The following CNTN6 variants were observed in gnomAD, a reference collection of about 807,000 sequenced individuals.
CNTN6 encodes the protein contactin-6.
Under a neutral mutation model 122.8 loss-of-function variants are expected in CNTN6, and 137 were observed. That is an observed-to-expected ratio of 1.12 (90% confidence interval 0.97 to 1.29). The LOEUF (loss-of-function observed/expected upper bound fraction) is 1.29, where lower values mean the gene tolerates loss of function less well. Ranked by LOEUF, CNTN6 falls within the 50% of genes most tolerant of loss-of-function variation. The pLI is 0.00. For missense variants in CNTN6, 1,634 were observed against 1,223.4 expected, an observed-to-expected ratio of 1.34 and a Z score of -5.01; for synonymous variants, 570 against 426.0, an observed-to-expected ratio of 1.34 and a Z score of -4.16.
chr3:1,309,531 C>G (rs769100241), intron 7 of CNTN6, among the ~76,000 whole-genome samples: 1 of 152,144 alleles, frequency 6.6e-6, no homozygotes, highest in East Asian at 1.9e-4. Context: ...TGTAGCTTTA[C>G]GGTAAATCCT....
At chr3:1,105,265 T>C (rs767941546) in intron 1 of CNTN6, among the ~76,000 whole-genome samples, 6 of 152,124 alleles carry the variant, frequency 3.9e-5, no homozygotes, top group Non-Finnish European at 5.9e-5. Flanking sequence ...ATTACATTTT[T>C]TGGAAAATGC....
chr3:1,370,059 CTT>C (rs1195007631), intron 12 of CNTN6, among the ~76,000 whole-genome samples: 1 of 151,868 alleles, frequency 6.6e-6, no homozygotes, highest in Non-Finnish European at 1.5e-5. Context: ...ATGTAACAAA[CTT>C]AATAATTTAA....
chr3:1,236,048 C>A (rs2094417353), intron 4 of CNTN6, among the ~76,000 whole-genome samples: 1 of 152,120 alleles, frequency 6.6e-6, no homozygotes, highest in African/African-American at 2.4e-5. Flanking sequence ...TCCCTCACAG[C>A]AGCTGCAGCA....
At chr3:1,228,859 T>G (rs1363067870) in intron 4 of CNTN6, among the ~76,000 whole-genome samples, 2 of 152,196 alleles carry the variant, frequency 1.3e-5, no homozygotes, top group African/African-American at 4.8e-5. Flanking sequence ...GTGAAACTAC[T>G]TCAGTCATCA....
At chr3:1,302,399 C>G (rs1032110273) in intron 7 of CNTN6, among the ~76,000 whole-genome samples, 3 of 151,974 alleles carry the variant, frequency 2.0e-5, no homozygotes, top group Admixed American at 6.6e-5. Flanking sequence ...ATATTTTTTT[C>G]TTATTACATT....
intron 20 of CNTN6, 88 bp from the exon 21 acceptor site, chr3:1,401,345 G>C (rs751392743): frequency 2.0e-6 from 2 of 1,014,884 alleles, no homozygotes; most frequent in Non-Finnish European, 3.0e-6. Flanking sequence ...AATCATCGAA[G>C]ACTTATTTTT....
chr3:1,131,477 A>G (rs990056436), intron 1 of CNTN6, among the ~76,000 whole-genome samples: 1 of 152,134 alleles, frequency 6.6e-6, no homozygotes, highest in Non-Finnish European at 1.5e-5. Flanking sequence ...GATTAGCCCC[A>G]GAAGACAGGG....
At chr3:1,097,287 A>G (rs1270118558) in intron 1 of CNTN6, among the ~76,000 whole-genome samples, 1 of 152,230 alleles carries the variant, frequency 6.6e-6, no homozygotes, top group Non-Finnish European at 1.5e-5. Flanking sequence ...ACGTTACATC[A>G]TAGTAACATG....
At chr3:1,380,999 T>G (rs56908293) in intron 17 of CNTN6, among the ~76,000 whole-genome samples, 13,693 of 152,110 alleles carry the variant, frequency 0.09, 827 homozygotes, top group Middle Eastern at 0.14. Context: ...TTTGACTCTC[T>G]GTTGATGTAA....
chr3:1,385,326 G>C (rs552865807), intron 19 of CNTN6, among the ~76,000 whole-genome samples: 15 of 152,214 alleles, frequency 9.9e-5, no homozygotes, highest in African/African-American at 3.4e-4. Flanking sequence ...ATTTGCTAAA[G>C]CTGGTAACCT....
chr3:1,096,367 T>C (rs955700723), intron 1 of CNTN6, among the ~76,000 whole-genome samples: 3 of 152,130 alleles, frequency 2.0e-5, no homozygotes, highest in Admixed American at 2.0e-4. Context: ...TAAGATTCTT[T>C]TATTTTAGGA....
chr3:1,393,807 GA>G (rs1381424837), intron 20 of CNTN6, among the ~76,000 whole-genome samples: 5 of 152,116 alleles, frequency 3.3e-5, no homozygotes, highest in Non-Finnish European at 7.3e-5. Context: ...CTCAGGAAGA[GA>G]GAGATATATC....
rs374282825 is a variant in CNTN6 at position 1,227,818 on chromosome 3, G to A, written c.183G>A (p.Arg61=). 1 of 1,610,466 alleles carries A rather than the reference G, an allele frequency of 6.2e-7. No individual in the cohort carries two copies. Among genetic ancestry groups the A allele is most frequent in the Non-Finnish European group, 8.5e-7 (1 of 1,178,880 alleles). The stretch of plus-strand genomic sequence containing the variant: ...CACTTTATTTTTTTTTTCCTTGAAG[G>A]TGGAAGCAAAATGGCACAGACATTG... The part of the protein sequence containing the change: ...AANGYPSPHY[R]WKQNGTDIDF... Residue 61 remains arginine, a splice_region_variant and synonymous_variant, in exon 4 of 23, where the codon AGG becomes AGA. Transcript: ENST00000446702.
chr3:1,098,789 C>CACATATATATATATATATATATATATAT (rs1211008614), intron 1 of CNTN6, among the ~76,000 whole-genome samples: 4 of 63,246 alleles, frequency 6.3e-5, no homozygotes, highest in Non-Finnish European at 1.1e-4. Flanking sequence ...CACACACACA[C>CACATATATATATATATATATATATATAT]ATATATATAT....
intron 11 of CNTN6, among the ~76,000 whole-genome samples, chr3:1,349,064 G>A (rs1220135992): frequency 1.3e-5 from 2 of 151,928 alleles, no homozygotes; most frequent in Non-Finnish European, 2.9e-5. Context: ...AGTATTTGCT[G>A]ATTAAGAAGG....
chr3:1,298,336 C>G (rs1360353705), intron 7 of CNTN6: 1 of 169,224 alleles, frequency 5.9e-6, no homozygotes, highest in African/African-American at 2.4e-5. Context: ...ATCCTTCACT[C>G]CATCTTGTCC....
At chr3:1,325,139 A>C (rs531091744) in intron 8 of CNTN6, among the ~76,000 whole-genome samples, 1 of 151,940 alleles carries the variant, frequency 6.6e-6, no homozygotes, top group Non-Finnish European at 1.5e-5. Flanking sequence ...TCTTACTTTC[A>C]CGTCAATTAT....
chr3:1,177,159 T>C (rs1247883995), intron 2 of CNTN6, among the ~76,000 whole-genome samples: 2 of 152,104 alleles, frequency 1.3e-5, no homozygotes, highest in African/African-American at 2.4e-5. Flanking sequence ...AAGTAAAAAA[T>C]GTGAGGAAAA....
chr3:1,164,259 C>T (rs902413528), intron 2 of CNTN6, among the ~76,000 whole-genome samples: 6 of 152,236 alleles, frequency 3.9e-5, no homozygotes, highest in Non-Finnish European at 5.9e-5. Context: ...AGTTCACAAA[C>T]GCTTCCCCTT....
Sources: allele counts gnomAD v4.1 joint callset (sites outside exome capture counted in the v4.1 genomes callset), GRCh38; gene constraint gnomAD v4.1.1; transcripts MANE v1.5; gene names NCBI Gene and HGNC (gene_info 2026-07-23, HGNC 2026-07-21).